The following CCDC171 variants were observed in gnomAD, a reference collection of about 807,000 sequenced individuals.
CCDC171 encodes coiled-coil domain containing 171, also known as coiled-coil domain-containing protein 171.
CCDC171 carries 177 observed loss-of-function variants against 168.2 expected under a neutral mutation model. The observed-to-expected ratio is 1.05, with a 90% CI of 0.93 to 1.19. The LOEUF (loss-of-function observed/expected upper bound fraction) is 1.19. Ranked by LOEUF, CCDC171 falls within the 50% of genes most tolerant of loss-of-function variation. The pLI, the probability that CCDC171 is intolerant of heterozygous loss-of-function variation, is 0.00. For synonymous variants in CCDC171, 687 were observed against 540.8 expected (o/e 1.27, Z -3.75); for missense variants, 1,991 against 1,539.0 (o/e 1.29, Z -4.91).
At chr9:15,814,185 A>C (rs1400023747) in intron 21 of CCDC171, among the ~76,000 whole-genome samples, 1 of 152,216 alleles carries the variant, frequency 6.6e-6, no homozygotes, top group Non-Finnish European at 1.5e-5. Flanking sequence ...TATTTTTGGT[A>C]TCTGTAGCTA....
At chr9:16,099,950 A>G in the CCDC171 span, among the ~76,000 whole-genome samples, 3 of 152,104 alleles carry the variant, frequency 2.0e-5, no homozygotes, top group Non-Finnish European at 2.9e-5. Flanking sequence ...CCAGTCTATG[A>G]CAAACTAGAG....
chr9:15,646,463 G>C (rs1286069109), intron 7 of CCDC171, among the ~76,000 whole-genome samples: 1 of 152,148 alleles, frequency 6.6e-6, no homozygotes, highest in South Asian at 2.1e-4. Flanking sequence ...TGGCAAATTG[G>C]ATAAAGATTC....
chr9:15,941,503 A>C (rs954890637), intron 25 of CCDC171, among the ~76,000 whole-genome samples: 1 of 152,002 alleles, frequency 6.6e-6, no homozygotes, highest in African/African-American at 2.4e-5. Context: ...AGGAATCTTA[A>C]AAAAGATAAT....
At chr9:15,851,782 T>A (rs1023734779) in intron 23 of CCDC171, among the ~76,000 whole-genome samples, 1 of 151,874 alleles carries the variant, frequency 6.6e-6, no homozygotes, top group African/African-American at 2.4e-5. Flanking sequence ...GCCTTCTGTC[T>A]CTATGGATTT....
chr9:15,651,559 G>C (rs575038530), intron 7 of CCDC171, among the ~76,000 whole-genome samples: 1 of 152,092 alleles, frequency 6.6e-6, no homozygotes, highest in South Asian at 2.1e-4. Flanking sequence ...GCCCAGCCGA[G>C]ATTAACTTTT....
intron 23 of CCDC171, among the ~76,000 whole-genome samples, chr9:15,871,495 C>G (rs1025949459): frequency 2.8e-4 from 42 of 151,880 alleles, no homozygotes; most frequent in African/African-American, 8.4e-4. Flanking sequence ...AATAATTTGA[C>G]TATTCTAATA....
At chr9:16,080,119 C>A in the CCDC171 span, among the ~76,000 whole-genome samples, 3 of 152,192 alleles carry the variant, frequency 2.0e-5, no homozygotes, top group Non-Finnish European at 4.4e-5. Context: ...CTCTCTGCTG[C>A]ATTTATGCTA....
chr9:15,740,404 A>G (rs564064696), intron 16 of CCDC171, among the ~76,000 whole-genome samples: 2 of 150,250 alleles, frequency 1.3e-5, no homozygotes, highest in African/African-American at 2.5e-5. Context: ...TTATGTACAA[A>G]TAACGTGATT....
At chr9:15,782,700 C>T (rs903811356) in intron 20 of CCDC171, among the ~76,000 whole-genome samples, 1 of 152,108 alleles carries the variant, frequency 6.6e-6, no homozygotes, top group African/African-American at 2.4e-5. Flanking sequence ...CAAGACCCAG[C>T]GCATAGAGGG....
chr9:15,931,680 C>A (rs1222373137), intron 25 of CCDC171, among the ~76,000 whole-genome samples: 1 of 151,420 alleles, frequency 6.6e-6, no homozygotes, highest in Non-Finnish European at 1.5e-5. Context: ...AGGTCTTACT[C>A]AAAAAATTCT....
intron 6 of CCDC171, among the ~76,000 whole-genome samples, chr9:15,616,070 C>T (rs2131936838): frequency 6.6e-6 from 1 of 152,324 alleles, no homozygotes; most frequent in East Asian, 1.9e-4. Flanking sequence ...CTTGCCTCAG[C>T]CTCCCGAATA....
At chr9:15,791,417 A>G (rs942365389) in intron 21 of CCDC171, among the ~76,000 whole-genome samples, 13 of 152,058 alleles carry the variant, frequency 8.5e-5, no homozygotes, top group African/African-American at 3.1e-4. Flanking sequence ...GGTGTATAAG[A>G]ATGCTTGTGA....
intron 4 of CCDC171, among the ~76,000 whole-genome samples, chr9:15,581,277 G>T (rs199860859): frequency 5.9e-5 from 9 of 152,110 alleles, no homozygotes; most frequent in Non-Finnish European, 1.2e-4. Context: ...AAGGAAATAA[G>T]AGAGGACACA....
chr9:15,809,787 T>C (rs1279135337), intron 21 of CCDC171, among the ~76,000 whole-genome samples: 1 of 152,158 alleles, frequency 6.6e-6, no homozygotes, highest in Non-Finnish European at 1.5e-5. Context: ...AGAACAAAGC[T>C]TCCACAATGT....
chr9:15,894,713 C>G (rs1820676157), intron 24 of CCDC171, among the ~76,000 whole-genome samples: 4 of 152,098 alleles, frequency 2.6e-5, no homozygotes, highest in Admixed American at 2.6e-4. Flanking sequence ...GTATCCCTTT[C>G]TCTCGAATTT....
At chr9:15,878,106 C>G (rs902495584) in intron 24 of CCDC171, among the ~76,000 whole-genome samples, 11 of 152,010 alleles carry the variant, frequency 7.2e-5, no homozygotes, top group African/African-American at 2.7e-4. Context: ...AAAGCAATTG[C>G]AACAAAGACA....
intron 7 of CCDC171, among the ~76,000 whole-genome samples, chr9:15,635,005 G>A (rs1587621806): frequency 6.6e-6 from 1 of 152,122 alleles, no homozygotes. Flanking sequence ...ATGATATTCT[G>A]TTGTGTAATA....
intron 9 of CCDC171, among the ~76,000 whole-genome samples, chr9:15,672,005 G>C (rs1175135412): frequency 6.6e-6 from 1 of 152,146 alleles, no homozygotes. Context: ...ATCCTCTCCA[G>C]CACCTGTTGT....
intron 1 of CCDC171, among the ~76,000 whole-genome samples, chr9:15,557,746 T>A (rs2038927758): frequency 1.3e-5 from 2 of 152,150 alleles, no homozygotes; most frequent in Non-Finnish European, 2.9e-5. Flanking sequence ...TCCTGCCTGA[T>A]TGCCCTGGCC....
Sources: allele counts gnomAD v4.1 joint callset (sites outside exome capture counted in the v4.1 genomes callset), GRCh38; gene constraint gnomAD v4.1.1; transcripts MANE v1.5; gene names NCBI Gene and HGNC (gene_info 2026-07-23, HGNC 2026-07-21).